The following PWWP2A variants were observed in gnomAD, a reference collection of about 807,000 sequenced individuals.
PWWP2A encodes the protein PWWP domain-containing protein 2A.
Under a neutral mutation model 48.5 loss-of-function variants are expected in PWWP2A, and 18 were observed. The observed-to-expected ratio is 0.37, with a 90% CI of 0.26 to 0.55. The LOEUF (loss-of-function observed/expected upper bound fraction) is 0.55, where lower values mean the gene tolerates loss of function less well. Ranked by LOEUF, PWWP2A falls within the 20% of genes least tolerant of loss-of-function variation. The pLI, the probability that PWWP2A is intolerant of heterozygous loss-of-function variation, is 0.81. For synonymous variants in PWWP2A, 396 were observed against 387.7 expected (o/e 1.02, Z -0.25); for missense variants, 867 against 976.4 (o/e 0.89, Z 1.49).
At chr5:160,087,736 C>CA, downstream of PWWP2A, among the ~76,000 whole-genome samples, 1 of 152,110 alleles carries the variant, frequency 6.6e-6, no homozygotes, top group East Asian at 1.9e-4. Flanking sequence ...AAATACCACA[C>CA]AAAAAAATCA....
chr5:160,080,223 T>TTA (rs921256125), intron 3 of PWWP2A, among the ~76,000 whole-genome samples: 10 of 152,208 alleles, frequency 6.6e-5, no homozygotes, highest in African/African-American at 2.4e-4. Context: ...ATATATATTC[T>TTA]TATATATATA....
intron 1 of PWWP2A, among the ~76,000 whole-genome samples, chr5:160,099,856 G>C (rs185985875): frequency 0.011 from 1,644 of 151,718 alleles, 28 homozygotes; most frequent in African/African-American, 0.038. Context: ...AGTAGAGATG[G>C]AGTTTCGCCA....
chr5:160,067,200 G>A (rs1753633633), intron 2 of PWWP2A, among the ~76,000 whole-genome samples: 1 of 152,072 alleles, frequency 6.6e-6, no homozygotes, highest in Non-Finnish European at 1.5e-5. Flanking sequence ...TTTGTCCTGA[G>A]ATCACAGTGC....
At chr5:160,097,394 C>T (rs1348919693) in intron 1 of PWWP2A, among the ~76,000 whole-genome samples, 1 of 146,900 alleles carries the variant, frequency 6.8e-6, no homozygotes, top group Non-Finnish European at 1.5e-5. Context: ...CGCCTGTAAT[C>T]CCAACACTTT....
chr5:160,078,083 A>T lies in PWWP2A; in HGVS notation c.*72T>A. The stretch of plus-strand genomic sequence containing the variant: ...TTCTTAGTGCAGCTTTAAAAACTCC[A>T]ATTTCATTCAGTCCTGATGCTCTGG... On this transcript the variant is annotated 3_prime_UTR_variant, in exon 4 of 4. Transcript: ENST00000456329. The surrounding 1 kb of genome is among the most constrained non-coding windows in gnomAD (Gnocchi z 4.2). The T allele has an allele frequency of 7.4e-7, 1 of 1,350,408 alleles. No homozygotes were observed. The highest frequency in any genetic ancestry group is 1.0e-6 in the Non-Finnish European group (1 of 965,636). 83.7% of individuals were successfully genotyped at this position (1,350,408 alleles called of 1,614,324 possible). A position where few individuals can be genotyped will look rare whatever the true frequency, so the allele number is the denominator to read the frequency against.
At chr5:160,061,567 G>C (rs1334896864), downstream of PWWP2A, among the ~76,000 whole-genome samples, 1 of 152,120 alleles carries the variant, frequency 6.6e-6, no homozygotes, top group Non-Finnish European at 1.5e-5. Context: ...CTAACGCAGA[G>C]ACTATTTATT....
intron 2 of PWWP2A, chr5:160,080,894 T>C: frequency 1.2e-6 from 1 of 841,254 alleles, no homozygotes; most frequent in Non-Finnish European, 1.8e-6. Flanking sequence ...ACAAATTTAT[T>C]CTGGATAACT....
chr5:160,093,999 G>C lies in PWWP2A; in HGVS notation c.651C>G (p.Ala217=), dbSNP rs765708364. ...GGAATGTATTACTTTGGAGCGGCAT[G>C]GCTTCTGGTTTATCCTTATATTCCC... The part of the protein sequence containing the change: ...PKREYKDKPE[A]MPLQSNTFQE... Residue 217 remains alanine (A), a synonymous_variant, in exon 2 of 2, where the codon GCC becomes GCG. Coordinates refer to ENST00000307063, the MANE Select transcript of PWWP2A (RefSeq NM_001130864.2). This position sits in a 1 kb window ranked among gnomAD's most constrained non-coding sequence, Gnocchi z 5.8. The C allele has an allele frequency of 6.2e-7, 1 of 1,613,976 alleles. No individual in the cohort carries two copies. Among genetic ancestry groups the C allele is most frequent in the South Asian group, 1.1e-5 (1 of 91,084 alleles).
intron 1 of PWWP2A, among the ~76,000 whole-genome samples, chr5:160,106,820 CTTTT>C (rs764479391): frequency 8.4e-6 from 1 of 119,752 alleles, no homozygotes; most frequent in Non-Finnish European, 1.7e-5. Context: ...AACCATTAAC[CTTTT>C]TTTTTTTTTT....
chr5:160,118,940 T>C lies in PWWP2A; in HGVS notation c.449A>G (p.Asp150Gly), dbSNP rs1350006986. ...APALVPPAGG[D>G]STVSQLIPGS... is the part of the protein sequence containing the mutation. ...CGGGATCAGTTGCGACACCGTGGAG[T>C]CCCCGCCCGCCGGCGGCACGAGCGC... is the stretch of plus-strand genomic sequence containing the variant. The change falls in exon 1 of 2, where the codon GAC (aspartate) becomes GGC (glycine). Residue 150 changes from aspartate to glycine, a missense_variant. Asp to Gly is a moderately conservative substitution (Grantham distance 94). Around this residue, in one of 4 missense-constraint regions of PWWP2A, gnomAD observed 385 missense variants for 396.9 expected, o/e 0.97. Coordinates refer to ENST00000307063, the MANE Select transcript of PWWP2A (RefSeq NM_001130864.2). The C allele has an allele frequency of 2.5e-6, 4 of 1,592,684 alleles. No homozygotes were observed. Among genetic ancestry groups the C allele is most frequent in the South Asian group, 1.1e-5 (1 of 89,178 alleles).
intron 1 of PWWP2A, among the ~76,000 whole-genome samples, chr5:160,112,738 T>G (rs1375612164): frequency 6.6e-6 from 1 of 151,944 alleles, no homozygotes; most frequent in Non-Finnish European, 1.5e-5. Flanking sequence ...GTTTGTTTGC[T>G]TGTGTCTAAG....
chr5:160,107,962 T>C (rs766607254), intron 1 of PWWP2A, among the ~76,000 whole-genome samples: 1 of 151,402 alleles, frequency 6.6e-6, no homozygotes, highest in African/African-American at 2.4e-5. Flanking sequence ...GATTGCACCA[T>C]TGCACTCTGG....
intron 1 of PWWP2A, among the ~76,000 whole-genome samples, chr5:160,117,488 C>G (rs1353791020): frequency 6.6e-6 from 1 of 152,030 alleles, no homozygotes; most frequent in Non-Finnish European, 1.5e-5. Context: ...AATCCCGGCT[C>G]TAGTTAAAAA....
the PWWP2A span, among the ~76,000 whole-genome samples, chr5:160,046,940 A>C: frequency 3.3e-5 from 5 of 152,146 alleles, no homozygotes; most frequent in Admixed American, 1.3e-4. Flanking sequence ...TGAACCTGGG[A>C]GGTGGAGGTT....
chr5:160,079,203 T>G (rs1754057529), intron 3 of PWWP2A, among the ~76,000 whole-genome samples: 1 of 152,128 alleles, frequency 6.6e-6, no homozygotes. Context: ...GTCCTTCCCA[T>G]TATTTAACTT....
chr5:160,114,283 G>C (rs773849678), intron 1 of PWWP2A, among the ~76,000 whole-genome samples: 17 of 152,022 alleles, frequency 1.1e-4, no homozygotes, highest in Non-Finnish European at 2.1e-4. Context: ...GTAATCCCCA[G>C]CACTTTGGGA....
At chr5:160,090,109 A>C, downstream of PWWP2A, 7 of 985,178 alleles carry the variant, frequency 7.1e-6, no homozygotes, top group Non-Finnish European at 8.4e-6. Flanking sequence ...TGATATGCTC[A>C]ACCTTTTCCT....
intron 1 of PWWP2A, among the ~76,000 whole-genome samples, chr5:160,112,767 A>G (rs1757723285): frequency 6.6e-6 from 1 of 152,100 alleles, no homozygotes; most frequent in South Asian, 2.1e-4. Flanking sequence ...CCAAAGCTAA[A>G]TCAATTAGCC....
chr5:160,071,192 AAG>A (rs1434790445), downstream of PWWP2A, among the ~76,000 whole-genome samples: 11 of 152,108 alleles, frequency 7.2e-5, no homozygotes, highest in Non-Finnish European at 1.5e-4. Context: ...CAAAAAGAAA[AAG>A]AGATGTTGCC....
Sources: allele counts gnomAD v4.1 joint callset (sites outside exome capture counted in the v4.1 genomes callset), GRCh38; gene constraint gnomAD v4.1.1; regional missense constraint gnomAD v4.1.1; non-coding constraint Gnocchi (gnomAD v3.1); transcripts MANE v1.5; gene names NCBI Gene and HGNC (gene_info 2026-07-23, HGNC 2026-07-21).